Variants in SRRM4 observed in about 807,000 individuals in gnomAD.
SRRM4 encodes the protein serine/arginine repetitive matrix protein 4.
Under a neutral mutation model 68.9 loss-of-function variants are expected in SRRM4, and 33 were observed. The ratio of observed to expected loss-of-function variants is 0.48; its 90% confidence interval spans 0.36 to 0.64. The LOEUF (loss-of-function observed/expected upper bound fraction) is 0.64. SRRM4 is among the 30% of genes least tolerant of loss of function. The pLI is 0.00. For synonymous variants in SRRM4, 318 were observed against 318.8 expected, an observed-to-expected ratio of 1.00 and a Z score of 0.03; for missense variants, 817 against 827.1, an observed-to-expected ratio of 0.99 and a Z score of 0.15.
At chr12:119,039,913 C>G (rs893099698) in intron 1 of SRRM4, among the ~76,000 whole-genome samples, 1 of 152,220 alleles carries the variant, frequency 6.6e-6, no homozygotes, top group African/African-American at 2.4e-5. Flanking sequence ...GCAGGTGAAG[C>G]ACACGCACTG....
At chr12:118,982,205 A>C (rs1391654170) in intron 1 of SRRM4, among the ~76,000 whole-genome samples, 192 bp downstream of exon 1, 1 of 152,180 alleles carries the variant, frequency 6.6e-6, no homozygotes, top group African/African-American at 2.4e-5. Context: ...AGGGACAGGA[A>C]TTCTTTGGGG....
Position 118,981,937 on chromosome 12 carries a change from A to C in SRRM4, c.55A>C (p.Thr19Pro). Residue 19 changes from threonine to proline, a missense_variant, in exon 1 of 13, where the codon ACC becomes CCC. Physicochemically the swap from Thr to Pro is conservative, Grantham distance 38. Coordinates refer to ENST00000267260, the MANE Select transcript of SRRM4 (RefSeq NM_194286.4). ...KQLFEKFWRGTFKAVATPRPE... is the reference protein window; with the variant it reads ...KQLFEKFWRGPFKAVATPRPE... ...GCTTTTTGAGAAGTTCTGGCGAGGA[A>C]CCTTCAAAGCGGTGGCCACCCCCCG... 1 of 1,613,138 alleles carries C rather than the reference A, an allele frequency of 6.2e-7. No individual in the cohort carries two copies. The highest frequency in any genetic ancestry group is 1.1e-5 in the South Asian group (1 of 90,738).
intron 11 of SRRM4, 120 bp downstream of exon 11, chr12:119,153,769 CA>C (rs1954454712): frequency 1.4e-6 from 1 of 701,496 alleles, no homozygotes. Flanking sequence ...GACCCTGACT[CA>C]GCATTCTTAC....
intron 1 of SRRM4, among the ~76,000 whole-genome samples, chr12:119,094,245 T>C (rs1211496344): frequency 6.6e-6 from 1 of 152,190 alleles, no homozygotes; most frequent in African/African-American, 2.4e-5. Flanking sequence ...CTTGTCTATG[T>C]TGCTCATCCC....
chr12:119,122,075 C>G lies in SRRM4; in HGVS notation c.470C>G (p.Ser157Cys). 1.2e-6 allele frequency: 2 copies of G among 1,609,188 alleles called. No homozygotes were observed. Residue 157 changes from serine to cysteine, a missense_variant, in exon 6 of 13, where the codon TCT becomes TGT. Transcript: ENST00000267260. The part of the protein sequence containing the change: ...SFSKKRRHSS[S>C]SPKSKRRDEK... Reference sequence around the variant, plus strand: ...ATTGACCATTTCTTGTTTAGCTCCTCTAGCCCAAAAAGCAAAAGAAGAGAT... The same window carrying G: ...ATTGACCATTTCTTGTTTAGCTCCTGTAGCCCAAAAAGCAAAAGAAGAGAT...
At chr12:119,025,875 G>T (rs1217414844) in intron 1 of SRRM4, among the ~76,000 whole-genome samples, 1 of 152,106 alleles carries the variant, frequency 6.6e-6, no homozygotes, top group Non-Finnish European at 1.5e-5. Context: ...TTGGGCAAAA[G>T]CATCTTAGCC....
chr12:119,130,785 C>A lies in SRRM4; in HGVS notation c.722C>A (p.Pro241Gln). 6.2e-7 allele frequency: 1 copy of A among 1,609,078 alleles called. No individual in the cohort carries two copies. The highest frequency in any genetic ancestry group is 8.5e-7 in the Non-Finnish European group (1 of 1,179,760). ...AGCCCTGAGGCCCAGTCCAGTCGCC[C>A]GCCCAGTCAACCCCTCCAGATGCTT... ...KDSPEAQSSRPPSQPLQMLGY... is the reference protein window; with the variant it reads ...KDSPEAQSSRQPSQPLQMLGY... The change falls in exon 8 of 13, where the codon CCG (proline) becomes CAG (glutamine). Residue 241 changes from proline (P) to glutamine (Q), a missense_variant. Physicochemically the swap from Pro to Gln is moderately conservative, Grantham distance 76 (BLOSUM62 -1). Transcript: ENST00000267260.
intron 6 of SRRM4, among the ~76,000 whole-genome samples, chr12:119,123,495 G>A (rs3922819): frequency 0.55 from 82,652 of 151,184 alleles, 22,764 homozygotes; most frequent in South Asian, 0.63. Context: ...CCTCAACAGC[G>A]CTAGGAAGGA....
intron 1 of SRRM4, among the ~76,000 whole-genome samples, chr12:119,028,457 T>C (rs1181811554): frequency 6.6e-6 from 1 of 152,224 alleles, no homozygotes; most frequent in East Asian, 1.9e-4. Flanking sequence ...GCAGTTCCCC[T>C]GCACAAGTTC....
chr12:119,133,355 A>G (rs1197097252), intron 8 of SRRM4, among the ~76,000 whole-genome samples: 3 of 152,206 alleles, frequency 2.0e-5, no homozygotes, highest in African/African-American at 7.2e-5. Context: ...GGTAGCCACA[A>G]TAGTAGTAGC....
intron 6 of SRRM4, among the ~76,000 whole-genome samples, chr12:119,122,910 G>A (rs1436179784): frequency 6.6e-6 from 1 of 152,164 alleles, no homozygotes; most frequent in Non-Finnish European, 1.5e-5. Flanking sequence ...CAGTCTTGGG[G>A]CCCCAGCTGT....
At chr12:119,052,606 G>A (rs760724305) in intron 1 of SRRM4, among the ~76,000 whole-genome samples, 14 of 152,048 alleles carry the variant, frequency 9.2e-5, no homozygotes, top group Non-Finnish European at 4.4e-5. Context: ...TCGGCTCACC[G>A]CAAGCTCCGC....
intron 1 of SRRM4, among the ~76,000 whole-genome samples, chr12:119,082,035 C>A (rs562474988): frequency 6.6e-6 from 1 of 152,350 alleles, no homozygotes; most frequent in East Asian, 1.9e-4. Context: ...GATCAGCACG[C>A]CACACAGTAG....
At position 119,047,220 on chromosome 12, in the gene SRRM4, A is replaced by T. The variant is rs1326901335; in HGVS notation, c.132-55016A>T. ...TATAAGATGATGAGCATAAAGTGAC[A>T]TTTAACAAGCATGTACATTTGTCAG... On this transcript the variant is annotated intron_variant, in intron 1 of 12. Coordinates refer to ENST00000267260, the MANE Select transcript of SRRM4 (RefSeq NM_194286.4). Among the ~76,000 whole-genome samples, 3 of 152,242 alleles carry T rather than the reference A, an allele frequency of 2.0e-5. No homozygotes were observed. The East Asian group carries it at 5.8e-4, about 29-fold the overall frequency.
At chr12:119,009,547 T>C (rs1953436302) in intron 1 of SRRM4, among the ~76,000 whole-genome samples, 1 of 152,250 alleles carries the variant, frequency 6.6e-6, no homozygotes, top group South Asian at 2.1e-4. Flanking sequence ...CTTTGATCTC[T>C]GCACATCTGG....
chr12:119,012,102 T>C (rs974798583), intron 1 of SRRM4, among the ~76,000 whole-genome samples: 1 of 152,244 alleles, frequency 6.6e-6, no homozygotes, highest in African/African-American at 2.4e-5. Context: ...TATAAATCAA[T>C]AGTTTTTACA....
chr12:119,048,008 A>G (rs941242592), intron 1 of SRRM4, among the ~76,000 whole-genome samples: 1 of 152,246 alleles, frequency 6.6e-6, no homozygotes, highest in African/African-American at 2.4e-5. Flanking sequence ...GCAATTCTAG[A>G]TCTTGAGATA....
intron 1 of SRRM4, among the ~76,000 whole-genome samples, chr12:119,066,137 T>C (rs1953844386): frequency 6.6e-6 from 1 of 152,244 alleles, no homozygotes; most frequent in Non-Finnish European, 1.5e-5. Context: ...ATATCATTTT[T>C]AGTCTCAGTC....
intron 1 of SRRM4, among the ~76,000 whole-genome samples, chr12:119,037,723 A>G (rs1953638963): frequency 1.3e-5 from 2 of 152,162 alleles, no homozygotes; most frequent in African/African-American, 4.8e-5. Flanking sequence ...ACATTCGCCG[A>G]AGAGAAGGGG....
Sources: allele counts gnomAD v4.1 joint callset (sites outside exome capture counted in the v4.1 genomes callset), GRCh38; gene constraint gnomAD v4.1.1; transcripts MANE v1.5; gene names NCBI Gene and HGNC (gene_info 2026-07-23, HGNC 2026-07-21).